PFKFB3: variants seen among roughly 807,000 people sequenced by gnomAD.
PFKFB3 encodes 6-phosphofructo-2-kinase/fructose-2,6-bisphosphatase 3.
PFKFB3 carries 33 observed loss-of-function variants against 68.0 expected under a neutral mutation model. The observed-to-expected ratio is 0.49, with a 90% CI of 0.37 to 0.65. PFKFB3 has a LOEUF of 0.65. PFKFB3 is among the 30% of genes least tolerant of loss of function. The pLI is 0.00. For synonymous variants in PFKFB3, 315 were observed against 288.2 expected (o/e 1.09, Z -0.94); for missense variants, 586 against 712.2 (o/e 0.82, Z 2.02).
Position 6,186,016 on chromosome 10 carries a change from TTGG to T in PFKFB3, c.17-27603_17-27601del, listed in dbSNP as rs372437531. ...TTGCTGATAGGGAAGAGCAGGAACC[TTGG>T]TGGCCCAGTAGAACTACTGGTGACC... is the stretch of plus-strand genomic sequence containing the variant. On this transcript the variant is annotated intron_variant, in intron 1 of 14. Coordinates refer to the PFKFB3 transcript ENST00000379789. Among the ~76,000 whole-genome samples, 120 of 152,158 alleles carry T rather than the reference TTGG, an allele frequency of 7.9e-4. 1 individual carries two copies. Among genetic ancestry groups the T allele is most frequent in the African/African-American group, 2.7e-3 (114 of 41,506 alleles).
At chr10:6,263,212 C>T in the PFKFB3 span, among the ~76,000 whole-genome samples, 8 of 152,150 alleles carry the variant, frequency 5.3e-5, no homozygotes, top group South Asian at 2.1e-4. Flanking sequence ...AGGGATGGGC[C>T]GAATTAAAGA....
chr10:6,267,003 T>C, the PFKFB3 span, among the ~76,000 whole-genome samples: 1 of 152,238 alleles, frequency 6.6e-6, no homozygotes, highest in Non-Finnish European at 1.5e-5. Flanking sequence ...TGCTAAATTA[T>C]AAATCTTTCA....
chr10:6,156,246 C>T (rs1174865614), intron 1 of PFKFB3, among the ~76,000 whole-genome samples: 1 of 151,788 alleles, frequency 6.6e-6, no homozygotes, highest in Non-Finnish European at 1.5e-5. Context: ...CTCCACCTCC[C>T]AGGCTCAAGC....
intron 1 of PFKFB3, among the ~76,000 whole-genome samples, chr10:6,177,477 TTTCTTTCTTTTTC>T (rs1842555623): frequency 6.8e-6 from 1 of 146,534 alleles, no homozygotes; most frequent in African/African-American, 2.5e-5. Flanking sequence ...TCTTTCTTTC[TTTCTTTCTTTTTC>T]TTTTCTTTCT....
intron 1 of PFKFB3, among the ~76,000 whole-genome samples, chr10:6,193,012 C>A (rs1359513102): frequency 2.0e-5 from 3 of 152,156 alleles, no homozygotes; most frequent in African/African-American, 7.2e-5. Flanking sequence ...TTTATGGAAG[C>A]TGCTTCCAGC....
At chr10:6,166,128 C>A (rs1286232201) in intron 1 of PFKFB3, among the ~76,000 whole-genome samples, 1 of 152,018 alleles carries the variant, frequency 6.6e-6, no homozygotes, top group African/African-American at 2.4e-5. Context: ...TACAGGTGCC[C>A]CGCCACCACG....
chr10:6,183,694 A>AT (rs199676467), intron 1 of PFKFB3, among the ~76,000 whole-genome samples: 20,419 of 143,544 alleles, frequency 0.14, 1,959 homozygotes, highest in East Asian at 0.27. Flanking sequence ...TTTTTTTTTA[A>AT]TTTTTTTTTT....
At chr10:6,254,808 CTTTTT>C (rs144888417), downstream of PFKFB3, among the ~76,000 whole-genome samples, 15 of 61,628 alleles carry the variant, frequency 2.4e-4, no homozygotes, top group South Asian at 6.1e-4. Flanking sequence ...TTTTTCTGTT[CTTTTT>C]TTTTTTTTTT....
the PFKFB3 span, among the ~76,000 whole-genome samples, chr10:6,261,946 G>A: frequency 6.6e-6 from 1 of 151,582 alleles, no homozygotes; most frequent in Admixed American, 6.6e-5. Context: ...GCAGTGAGCT[G>A]AGATCATGCC....
chr10:6,273,580 G>A, the PFKFB3 span, among the ~76,000 whole-genome samples: 3 of 152,220 alleles, frequency 2.0e-5, no homozygotes, highest in African/African-American at 7.2e-5. Context: ...GTTAAGGACT[G>A]AATTGCATCC....
Position 6,241,300 on chromosome 10 carries a change from G to A in PFKFB3, c.1516-12878G>A, listed in dbSNP as rs113575995. The stretch of plus-strand genomic sequence containing the variant: ...GGGAAGAATCCCACCGAGGTGAAGC[G>A]CCCTTCTCATGACATCCTCTCTGAG... On this transcript the variant is annotated intron_variant, in intron 14 of 14. Transcript: ENST00000640683. 7.4e-3 allele frequency among the ~76,000 whole-genome samples: 1,124 copies of A among 152,292 alleles called. 10 individuals carry two copies. Among genetic ancestry groups the A allele is most frequent in the Middle Eastern group, 0.045 (13 of 292 alleles).
chr10:6,246,282 T>G (rs1429930105), intron 14 of PFKFB3, among the ~76,000 whole-genome samples: 1 of 151,978 alleles, frequency 6.6e-6, no homozygotes, highest in Non-Finnish European at 1.5e-5. Flanking sequence ...TCACTTGATT[T>G]ATTTATTTTT....
chr10:6,196,859 C>T (rs1310102185), intron 1 of PFKFB3, among the ~76,000 whole-genome samples: 3 of 152,030 alleles, frequency 2.0e-5, no homozygotes, highest in African/African-American at 4.8e-5. Flanking sequence ...CCAGGCTGGT[C>T]TCAAATTCCT....
At chr10:6,153,490 G>A (rs1841662575) in intron 1 of PFKFB3, among the ~76,000 whole-genome samples, 2 of 152,174 alleles carry the variant, frequency 1.3e-5, no homozygotes, top group South Asian at 4.1e-4. Flanking sequence ...GACCTCCCTG[G>A]GTTGGTGAGC....
chr10:6,200,693 G>GGGGGGGGC, upstream of PFKFB3, among the ~76,000 whole-genome samples: 1 of 105,644 alleles, frequency 9.5e-6, no homozygotes, highest in Non-Finnish European at 2.1e-5. Flanking sequence ...TGGTGGTGGG[G>GGGGGGGGC]CGGGGATTGA....
chr10:6,164,887 GTTTTCTCCTATCTCA>G (rs2131725352), intron 1 of PFKFB3, among the ~76,000 whole-genome samples: 1 of 152,232 alleles, frequency 6.6e-6, no homozygotes, highest in African/African-American at 2.4e-5. Context: ...CCACAGGGCG[GTTTTCTCCTATCTCA>G]GAATAGAACG....
In PFKFB3 at chr10:6,229,244, C is replaced by T. The variant is rs1845571685; in HGVS notation, c.1515+2879C>T. 1 of 476,774 alleles carries T rather than the reference C, an allele frequency of 2.1e-6. No homozygotes were observed. The highest frequency in any genetic ancestry group is 2.3e-5 in the Admixed American group (1 of 43,138). 29.5% of individuals were successfully genotyped at this position (476,774 alleles called of 1,614,324 possible). On this transcript the variant is annotated intron_variant, in intron 14 of 14. Coordinates refer to ENST00000379775, the MANE Select transcript of PFKFB3 (RefSeq NM_004566.4). This position sits in a 1 kb window ranked among gnomAD's most constrained non-coding sequence, Gnocchi z 4.3. The stretch of plus-strand genomic sequence containing the variant: ...AAGGGCCAGAGGATGTACCAGTGTC[C>T]TCCATGTCCACGTTCCTTAAGACCA...
the PFKFB3 span, among the ~76,000 whole-genome samples, chr10:6,292,278 C>CTTTTTTTTTTTTTTTTTTTTTTTT: frequency 1.8e-5 from 1 of 54,280 alleles, no homozygotes; most frequent in African/African-American, 8.4e-5. Context: ...TTTTTTTTTT[C>CTTTTTTTTTTTTTTTTTTTTTTTT]TTTTTTTTTT....
At chr10:6,207,264 C>A (rs531481631) in intron 1 of PFKFB3, among the ~76,000 whole-genome samples, 8 of 152,306 alleles carry the variant, frequency 5.3e-5, no homozygotes, top group Non-Finnish European at 1.2e-4. Flanking sequence ...AGCGAAACCC[C>A]GTCTCCACCA....
Sources: gnomAD v4.1 joint callset for allele counts (sites outside exome capture counted in the v4.1 genomes callset) on GRCh38, gnomAD v4.1.1 for gene constraint, Gnocchi (gnomAD v3.1) non-coding constraint, MANE v1.5 for transcripts, NCBI Gene and HGNC (gene_info 2026-07-23, HGNC 2026-07-21) for gene names.